Variants in SLC25A48 observed in about 807,000 individuals in gnomAD.
SLC25A48 encodes the protein solute carrier family 25 member 48.
Under a neutral mutation model 32.2 loss-of-function variants are expected in SLC25A48, and 29 were observed. The observed-to-expected ratio is 0.90, with a 90% CI of 0.67 to 1.23. SLC25A48 has a LOEUF of 1.23. Among genes scored for constraint, SLC25A48 ranks in the 50% most tolerant of loss-of-function variants. The pLI, the probability that SLC25A48 is intolerant of heterozygous loss-of-function variation, is 0.00. For missense variants in SLC25A48, 399 were observed against 422.7 expected (o/e 0.94, Z 0.49); for synonymous variants, 164 against 172.3 (o/e 0.95, Z 0.38).
intron 4 of SLC25A48, among the ~76,000 whole-genome samples, chr5:135,868,777 G>T (rs1561548720): frequency 6.6e-6 from 1 of 152,076 alleles, no homozygotes; most frequent in Admixed American, 6.5e-5. Context: ...TCAGTTCAAG[G>T]TTTGACAGGT....
At chr5:135,667,959 G>C (rs1753563151) in intron 3 of SLC25A48, among the ~76,000 whole-genome samples, 1 of 152,174 alleles carries the variant, frequency 6.6e-6, no homozygotes, top group South Asian at 2.1e-4. Flanking sequence ...TGGGCTTTGT[G>C]ACTGCTCTTT....
At chr5:135,846,806 T>C (rs1218565556) in intron 2 of SLC25A48, among the ~76,000 whole-genome samples, 1 of 152,090 alleles carries the variant, frequency 6.6e-6, no homozygotes, top group East Asian at 1.9e-4. Flanking sequence ...GTATAGTATA[T>C]AAGAAGAAAA....
At chr5:135,595,934 C>A (rs1160384620) in intron 1 of SLC25A48, among the ~76,000 whole-genome samples, 2 of 152,180 alleles carry the variant, frequency 1.3e-5, no homozygotes, top group East Asian at 3.9e-4. Flanking sequence ...ACTAAATGAT[C>A]CTCTTGGTCC....
At chr5:135,835,494 C>T (rs184980939) in intron 1 of SLC25A48, among the ~76,000 whole-genome samples, 175 of 152,206 alleles carry the variant, frequency 1.1e-3, no homozygotes, top group African/African-American at 4.0e-3. Context: ...CTTCTCCGGG[C>T]ACTGTTGGGT....
intron 3 of SLC25A48, among the ~76,000 whole-genome samples, chr5:135,718,873 C>A (rs1359068978): frequency 6.6e-6 from 1 of 152,190 alleles, no homozygotes; most frequent in African/African-American, 2.4e-5. Flanking sequence ...TATCAAAGGG[C>A]AAGGGGGGCC....
At chr5:135,755,645 A>G (rs572399092) in intron 3 of SLC25A48, among the ~76,000 whole-genome samples, 1 of 152,130 alleles carries the variant, frequency 6.6e-6, no homozygotes, top group South Asian at 2.1e-4. Flanking sequence ...TGTGATATTT[A>G]TCATATCTAA....
At chr5:135,644,174 G>A (rs550658175) in intron 3 of SLC25A48, among the ~76,000 whole-genome samples, 1 of 151,884 alleles carries the variant, frequency 6.6e-6, no homozygotes, top group Admixed American at 6.5e-5. Context: ...ATTTCAGCAA[G>A]TTGCGGATGG....
intron 1 of SLC25A48, among the ~76,000 whole-genome samples, chr5:135,623,466 A>C (rs1050486868): frequency 1.3e-5 from 2 of 152,192 alleles, no homozygotes; most frequent in African/African-American, 4.8e-5. Context: ...GGTTGGTCTC[A>C]GTCAGGTTTG....
At chr5:135,658,682 A>C (rs887618899) in intron 3 of SLC25A48, among the ~76,000 whole-genome samples, 1 of 152,200 alleles carries the variant, frequency 6.6e-6, no homozygotes, top group African/African-American at 2.4e-5. Context: ...ACTTCTGCCT[A>C]GACATCAGGT....
intron 3 of SLC25A48, among the ~76,000 whole-genome samples, chr5:135,677,666 C>T (rs965582615): frequency 2.6e-5 from 4 of 152,062 alleles, no homozygotes; most frequent in African/African-American, 9.7e-5. Flanking sequence ...CCTTCACTTC[C>T]AGGTTTAGGA....
chr5:135,715,610 A>G (rs576157506), intron 3 of SLC25A48, among the ~76,000 whole-genome samples: 3 of 152,364 alleles, frequency 2.0e-5, no homozygotes, highest in South Asian at 4.1e-4. Flanking sequence ...GGACGCTCCA[A>G]AGCCCCAAGA....
At chr5:135,820,701 T>A (rs1757861587) in intron 4 of SLC25A48, among the ~76,000 whole-genome samples, 1 of 152,294 alleles carries the variant, frequency 6.6e-6, no homozygotes, top group Non-Finnish European at 1.5e-5. Flanking sequence ...TCAAATCAGG[T>A]TAGGGACAAA....
intron 1 of SLC25A48, among the ~76,000 whole-genome samples, chr5:135,586,272 G>C (rs751787151): frequency 1.3e-5 from 2 of 152,180 alleles, no homozygotes; most frequent in African/African-American, 4.8e-5. Flanking sequence ...TCTGCATGCT[G>C]CTGCCACCTG....
intron 3 of SLC25A48, among the ~76,000 whole-genome samples, chr5:135,790,808 G>T (rs1757007033): frequency 6.6e-6 from 1 of 150,662 alleles, no homozygotes; most frequent in Non-Finnish European, 1.5e-5. Flanking sequence ...TAAAATCCTT[G>T]GTGGATGTTA....
intron 3 of SLC25A48, among the ~76,000 whole-genome samples, chr5:135,661,432 G>A (rs1753394698): frequency 6.6e-6 from 1 of 152,140 alleles, no homozygotes; most frequent in South Asian, 2.1e-4. Flanking sequence ...TGTGCCCTAG[G>A]TTGCCATGGT....
At chr5:135,763,315 A>G (rs1425624921) in intron 3 of SLC25A48, among the ~76,000 whole-genome samples, 1 of 152,048 alleles carries the variant, frequency 6.6e-6, no homozygotes, top group Non-Finnish European at 1.5e-5. Context: ...CAGCAATGGC[A>G]TCTGTTAGGT....
intron 4 of SLC25A48, among the ~76,000 whole-genome samples, chr5:135,866,339 A>T (rs1005576823): frequency 1.3e-5 from 2 of 152,208 alleles, no homozygotes; most frequent in African/African-American, 4.8e-5. Context: ...ACTGTTTCCA[A>T]GGTCATGGCC....
At chr5:135,831,511 G>A (rs1758209018), upstream of SLC25A48, among the ~76,000 whole-genome samples, 1 of 152,224 alleles carries the variant, frequency 6.6e-6, no homozygotes, top group Non-Finnish European at 1.5e-5. Flanking sequence ...AGATCTAGAA[G>A]ATACCATGTG....
intron 3 of SLC25A48, among the ~76,000 whole-genome samples, chr5:135,653,666 C>T (rs1753170707): frequency 6.6e-6 from 1 of 151,950 alleles, no homozygotes; most frequent in Non-Finnish European, 1.5e-5. Context: ...TACAAAGAGT[C>T]AGAGGGAGGG....
Sources: gnomAD v4.1 joint callset for allele counts (sites outside exome capture counted in the v4.1 genomes callset) on GRCh38, gnomAD v4.1.1 for gene constraint, MANE v1.5 for transcripts, NCBI Gene and HGNC (gene_info 2026-07-23, HGNC 2026-07-21) for gene names.